Variants in NLGN4X observed in about 807,000 individuals in gnomAD.
The protein encoded by NLGN4X is neuroligin 4 X-linked, also known as neuroligin-4, X-linked.
Under a neutral mutation model 40.3 loss-of-function variants are expected in NLGN4X, and 3 were observed. The observed-to-expected ratio is 0.07, with a 90% CI of 0.03 to 0.19. The LOEUF (loss-of-function observed/expected upper bound fraction) is 0.19. NLGN4X is among the 10% of genes least tolerant of loss of function. NLGN4X has a pLI of 1.00. For synonymous variants in NLGN4X, 270 were observed against 306.8 expected, an observed-to-expected ratio of 0.88 and a Z score of 1.25; for missense variants, 382 against 708.3, an observed-to-expected ratio of 0.54 and a Z score of 5.23.
At chrX:6,075,118 C>G (rs1000015577) in intron 2 of NLGN4X, among the ~76,000 whole-genome samples, 2 of 111,500 alleles carry the variant, frequency 1.8e-5, no homozygotes, top group Non-Finnish European at 3.8e-5. Context: ...CACAGTAGCC[C>G]ACATTCCTAT....
chrX:5,978,098 G>T (rs767519370), intron 3 of NLGN4X, among the ~76,000 whole-genome samples: 23 of 111,774 alleles, frequency 2.1e-4, no homozygotes, highest in Non-Finnish European at 4.0e-4. Flanking sequence ...TCATAAATGG[G>T]TCCTCAATAA....
At chrX:6,094,662 G>C (rs1048542454) in intron 2 of NLGN4X, among the ~76,000 whole-genome samples, 1 of 111,461 alleles carries the variant, frequency 9.0e-6, no homozygotes, top group Non-Finnish European at 1.9e-5. Context: ...ATACTAGACA[G>C]GGTATGCATT....
intron 2 of NLGN4X, among the ~76,000 whole-genome samples, chrX:6,097,990 A>G (rs963572273): frequency 1.8e-5 from 2 of 112,806 alleles, no homozygotes; most frequent in East Asian, 5.6e-4. Context: ...AAGAAAATAA[A>G]CCAATTAAAA....
chrX:6,144,947 T>A (rs1250847836), intron 2 of NLGN4X, among the ~76,000 whole-genome samples: 1 of 111,041 alleles, frequency 9.0e-6, no homozygotes, highest in Non-Finnish European at 1.9e-5. Context: ...TGCTTGCACA[T>A]CTCTCAGGGA....
chrX:5,978,272 TTTTC>T (rs780650966), intron 3 of NLGN4X, among the ~76,000 whole-genome samples: 2,011 of 20,181 alleles, frequency 0.1, 47 homozygotes, highest in East Asian at 0.16. Context: ...GCGTCTCTTT[TTTTC>T]TTTCTTTCTT....
chrX:6,204,943 A>G (rs1385853562), intron 1 of NLGN4X, among the ~76,000 whole-genome samples: 1 of 111,770 alleles, frequency 8.9e-6, no homozygotes, highest in Non-Finnish European at 1.9e-5. Flanking sequence ...TGGATGCAGC[A>G]ATCAGGCAAA....
chrX:5,923,282 A>C (rs1463960431), intron 3 of NLGN4X, among the ~76,000 whole-genome samples: 4 of 111,921 alleles, frequency 3.6e-5, no homozygotes, highest in Non-Finnish European at 7.5e-5. Flanking sequence ...CTGGGAATAC[A>C]CACTTGTGCC....
At chrX:5,979,029 C>CAT (rs772541096) in intron 3 of NLGN4X, among the ~76,000 whole-genome samples, 8 of 110,285 alleles carry the variant, frequency 7.3e-5, no homozygotes, top group African/African-American at 1.6e-4. Context: ...TATACATGTA[C>CAT]ATATATATAT....
At chrX:5,915,066 C>G (rs1291793730) in intron 3 of NLGN4X, among the ~76,000 whole-genome samples, 1 of 112,392 alleles carries the variant, frequency 8.9e-6, no homozygotes, top group East Asian at 2.8e-4. Context: ...AAATTCAGTG[C>G]CTTTTATTTT....
chrX:5,910,900 C>T (rs894459261), intron 3 of NLGN4X, among the ~76,000 whole-genome samples: 1 of 111,476 alleles, frequency 9.0e-6, no homozygotes, highest in African/African-American at 3.3e-5. Context: ...AGGGATGTGA[C>T]GGGAGATTAG....
chrX:6,160,712 AG>A (rs1421209135), intron 1 of NLGN4X, among the ~76,000 whole-genome samples: 2 of 108,515 alleles, frequency 1.8e-5, no homozygotes, highest in South Asian at 3.9e-4. Flanking sequence ...TAGTAGAGAC[AG>A]GGTTTCACCA....
intron 3 of NLGN4X, among the ~76,000 whole-genome samples, chrX:5,918,167 T>TTC (rs769238070): frequency 3.7e-4 from 41 of 111,140 alleles, no homozygotes; most frequent in African/African-American, 1.3e-3. Context: ...TTTTTTTTTT[T>TTC]ATTTACGTTT....
At chrX:5,956,390 T>A (rs1043561614) in intron 3 of NLGN4X, among the ~76,000 whole-genome samples, 9 of 111,093 alleles carry the variant, frequency 8.1e-5, no homozygotes, top group Non-Finnish European at 1.7e-4. Flanking sequence ...CACACATTGA[T>A]AACTTCATAA....
chrX:6,156,768 T>C lies in NLGN4X; in HGVS notation c.-305-4997A>G, dbSNP rs1226075807. Among the ~76,000 whole-genome samples the C allele has an allele frequency of 2.7e-5, 3 of 109,682 alleles. No individual in the cohort carries two copies. In the Admixed American group the frequency reaches 2.9e-4, roughly 11 times the overall value. On this transcript the variant is annotated intron_variant, in intron 1 of 5. Coordinates refer to ENST00000381095, the MANE Select transcript of NLGN4X (RefSeq NM_181332.3). ...CCTGTTGGGTGCTATACTCCATACC[T>C]GTGTGGCAGAATCAACTGTACCTCA...
At chrX:5,956,442 A>G (rs1474462499) in intron 3 of NLGN4X, among the ~76,000 whole-genome samples, 1 of 111,463 alleles carries the variant, frequency 9.0e-6, no homozygotes. Context: ...AAGAAAATTT[A>G]TATAAGTTAT....
At chrX:6,141,813 T>C (rs1243163966) in intron 2 of NLGN4X, among the ~76,000 whole-genome samples, 1 of 109,760 alleles carries the variant, frequency 9.1e-6, no homozygotes, top group African/African-American at 3.4e-5. Flanking sequence ...AGCAAGACTG[T>C]CTCAAACATA....
At chrX:6,093,850 A>G (rs1019039573) in intron 2 of NLGN4X, among the ~76,000 whole-genome samples, 3 of 111,908 alleles carry the variant, frequency 2.7e-5, no homozygotes, top group African/African-American at 9.7e-5. Context: ...CTTCAAGGAG[A>G]TAACTTGTTA....
At chrX:6,096,487 AT>A (rs2038780398) in intron 2 of NLGN4X, among the ~76,000 whole-genome samples, 1 of 112,073 alleles carries the variant, frequency 8.9e-6, no homozygotes, top group South Asian at 3.8e-4. Context: ...TTAAAAAAAA[AT>A]AATGGTACAA....
At position 5,931,889 on chromosome X, in the gene NLGN4X, T is replaced by C. The variant is rs57806511; in HGVS notation, c.626-22650A>G. On this transcript the variant is annotated intron_variant, in intron 3 of 5. Transcript: ENST00000381095. ...TTCTGGCAGAGGGTGGAAGTGGTAA[T>C]AGAAAGATGCTGGTTTAAAAACAAA... is the stretch of plus-strand genomic sequence containing the variant. Among the ~76,000 whole-genome samples the C allele has an allele frequency of 2.6e-3, 288 of 111,608 alleles. 14 individuals are homozygous for C. The East Asian group carries it at 0.07, about 27-fold the overall frequency.
Sources: gnomAD v4.1 joint callset for allele counts (sites outside exome capture counted in the v4.1 genomes callset) on GRCh38, gnomAD v4.1.1 for gene constraint, MANE v1.5 for transcripts, NCBI Gene and HGNC (gene_info 2026-07-23, HGNC 2026-07-21) for gene names.